Variants in OR4E1 observed in about 807,000 individuals in gnomAD.
OR4E1 encodes the protein olfactory receptor family 4 subfamily E member 1, also known as olfactory receptor 4E1.
chr14:21,669,926 T>A lies in OR4E1; in HGVS notation c.*62A>T. ...TAGTCTGATAAATATGGTATGTAAC[T>A]TATTCTTTGCAAGGCGCTTCTTTAA... On this transcript the variant is annotated 3_prime_UTR_variant, in exon 2 of 2. Transcript: ENST00000641792. 2.5e-6 allele frequency: 1 copy of A among 397,722 alleles called. No homozygotes were observed. Among genetic ancestry groups the A allele is most frequent in the Non-Finnish European group, 4.4e-6 (1 of 225,938 alleles). The allele number at this position is 397,722 out of a possible 1,614,324, so 24.6% of individuals were successfully genotyped here.
Position 21,669,158 on chromosome 14 carries a change from C to A in OR4E1, c.*830G>T, listed in dbSNP as rs2138551861. The stretch of plus-strand genomic sequence containing the variant: ...CATCCTTGACCACTAAAGCAAGTCT[C>A]TTCCATACTCTCTAACAGCACCCTG... On this transcript the variant is annotated 3_prime_UTR_variant, in exon 2 of 2. Coordinates refer to ENST00000641792, the MANE Select transcript of OR4E1 (RefSeq NM_001317107.2). The A allele has an allele frequency of 6.6e-6, 1 of 152,336 alleles. No homozygotes were observed. Among genetic ancestry groups the A allele is most frequent in the African/African-American group, 2.4e-5 (1 of 41,566 alleles). 9.4% of individuals were successfully genotyped at this position (152,336 alleles called of 1,614,324 possible). A position where few individuals can be genotyped will look rare whatever the true frequency, so the allele number is the denominator to read the frequency against.
rs1880754230 is a variant in OR4E1 at position 21,668,377 on chromosome 14, A to G, written c.*1611T>C. On this transcript the variant is annotated 3_prime_UTR_variant, in exon 2 of 2. Transcript: ENST00000641792. Reference sequence around the variant, plus strand: ...TCCTTCCTAACACATTTCCTAGCAAATAAAAATTTTCCTCCTAAAAATCAT... The same window carrying G: ...TCCTTCCTAACACATTTCCTAGCAAGTAAAAATTTTCCTCCTAAAAATCAT... 1 of 76,144 alleles carries G rather than the reference A, an allele frequency of 1.3e-5. No homozygotes were observed. The highest frequency in any genetic ancestry group is 2.6e-4 in the South Asian group (1 of 3,848). The allele number at this position is 76,144 out of a possible 1,614,324, so 4.7% of individuals were successfully genotyped here.
Position 21,670,629 on chromosome 14 carries a change from T to C in OR4E1, c.307A>G (p.Thr103Ala). 2.5e-6 allele frequency: 1 copy of C among 400,482 alleles called. No homozygotes were observed. The allele number at this position is 400,482 out of a possible 1,614,324, so 24.8% of individuals were successfully genotyped here. ...AAGAGGTGCAGGAAGAACATCTGGG[T>C]CACACAGGCATCAAAAGAGATGAGC... ...EKLISFDACV[T>A]QMFFLHLFAC... The change falls in exon 2 of 2, where the codon ACC becomes GCC. Residue 103 changes from threonine to alanine, a missense_variant. Physicochemically the swap from Thr to Ala is moderately conservative, Grantham distance 58. Transcript: ENST00000641792.
At position 21,668,078 on chromosome 14, in the gene OR4E1, C is replaced by T. The variant is rs1322908661; in HGVS notation, c.*1910G>A. On this transcript the variant is annotated 3_prime_UTR_variant, in exon 2 of 2. Coordinates refer to ENST00000641792, the MANE Select transcript of OR4E1 (RefSeq NM_001317107.2). ...AAAACGGGTAGTGTCAGAAATTTTG[C>T]TTGCTGCTATGAAAAAAATAAGCAA... The T allele has an allele frequency of 6.6e-6, 1 of 152,450 alleles. No homozygotes were observed. The highest frequency in any genetic ancestry group is 1.5e-5 in the Non-Finnish European group (1 of 67,990). The allele number at this position is 152,450 out of a possible 1,614,324, so 9.4% of individuals were successfully genotyped here.
chr14:21,673,063 T>A (rs1463809154), intron 1 of OR4E1, 27 bp downstream of exon 1: 1 of 152,304 alleles, frequency 6.6e-6, no homozygotes, highest in Non-Finnish European at 1.5e-5. Context: ...TTATTTGAAG[T>A]TGGACTAGTC....
At position 21,673,210 on chromosome 14, in the gene OR4E1, T is replaced by A. The variant is rs139486135; in HGVS notation, c.-138A>T. ...ATATTTTCTGGTAAAAGGTACTATTTCAGGCTGTCTGTAAAAATCACACCT... is the reference window on the plus strand; with the variant it reads ...ATATTTTCTGGTAAAAGGTACTATTACAGGCTGTCTGTAAAAATCACACCT... On this transcript the variant is annotated 5_prime_UTR_variant, in exon 1 of 2. Coordinates refer to ENST00000641792, the MANE Select transcript of OR4E1 (RefSeq NM_001317107.2). The A allele has an allele frequency of 4.6e-5, 7 of 152,188 alleles. No homozygotes were observed. Among genetic ancestry groups the A allele is most frequent in the African/African-American group, 1.7e-4 (7 of 41,448 alleles). The allele number at this position is 152,188 out of a possible 1,614,324, so 9.4% of individuals were successfully genotyped here.
rs185277815 is a variant in OR4E1, at chr14:21,669,709, A to T, written c.*279T>A. 6 of 204,062 alleles carry T rather than the reference A, an allele frequency of 2.9e-5. No individual in the cohort carries two copies. In the East Asian group the frequency reaches 6.3e-4, roughly 22 times the overall value. 12.6% of individuals were successfully genotyped at this position (204,062 alleles called of 1,614,324 possible). On this transcript the variant is annotated 3_prime_UTR_variant, in exon 2 of 2. Coordinates refer to ENST00000641792, the MANE Select transcript of OR4E1 (RefSeq NM_001317107.2). ...GTTTTCTAGCTGAGTGACTTTGGGCATGTTATTTACTCTCCTCGAGCTTTA... is the reference window on the plus strand; with the variant it reads ...GTTTTCTAGCTGAGTGACTTTGGGCTTGTTATTTACTCTCCTCGAGCTTTA...
At chr14:21,672,308 C>T (rs561228982) in intron 1 of OR4E1, among the ~76,000 whole-genome samples, 15 of 152,292 alleles carry the variant, frequency 9.8e-5, no homozygotes, top group Admixed American at 5.9e-4. Flanking sequence ...TATATCATCC[C>T]TCAAGATCAG....
chr14:21,672,644 A>G (rs961955416), intron 1 of OR4E1, among the ~76,000 whole-genome samples: 2 of 152,148 alleles, frequency 1.3e-5, no homozygotes, highest in African/African-American at 4.8e-5. Context: ...AGTATGGGAA[A>G]TTTCACCTGC....
intron 1 of OR4E1, among the ~76,000 whole-genome samples, chr14:21,672,084 C>T (rs1272376567): frequency 1.3e-5 from 2 of 152,194 alleles, no homozygotes; most frequent in Non-Finnish European, 2.9e-5. Context: ...TTAGTGGCCT[C>T]TCTCTTCCTC....
rs559292354 is a variant in OR4E1 at position 21,670,880 on chromosome 14, C to T, written c.56G>A (p.Arg19Lys). The change falls in exon 2 of 2, where the codon AGA (arginine) becomes AAA (lysine). Residue 19 changes from arginine to lysine, a missense_variant. Transcript: ENST00000641792. ...QTSLVTYFRL[R>K]GLSVNHKARI... The stretch of plus-strand genomic sequence containing the variant: ...TGCCTTATGATTTACAGATAAACCT[C>T]TAAGCCGAAAATATGTCACTAAAGA... The T allele has an allele frequency of 7.5e-6, 3 of 398,766 alleles. No homozygotes were observed. In the Admixed American group the frequency reaches 1.3e-4, roughly 18 times the overall value. The allele number at this position is 398,766 out of a possible 1,614,324, so 24.7% of individuals were successfully genotyped here. A position where few individuals can be genotyped will look rare whatever the true frequency, so the allele number is the denominator to read the frequency against.
chr14:21,672,510 C>T (rs879406069), intron 1 of OR4E1, among the ~76,000 whole-genome samples: 49 of 152,158 alleles, frequency 3.2e-4, no homozygotes, highest in Non-Finnish European at 2.4e-4. Context: ...AATTTTTCTT[C>T]GAGTATTCGT....
chr14:21,672,618 G>A (rs1881013288), intron 1 of OR4E1, among the ~76,000 whole-genome samples: 1 of 152,124 alleles, frequency 6.6e-6, no homozygotes, highest in Non-Finnish European at 1.5e-5. Flanking sequence ...CCAAGAATGG[G>A]GCTAGGATTT....
rs992093903 is a variant in OR4E1 at position 21,670,006 on chromosome 14, C to T, written c.930G>A (p.Glu310=). ...SALNKLVGRK[E]RKEEK ...GACATTTTCATTTTTCTTCTTTTCT[C>T]TCTTTTCTCCCCACTAACTTGTTTA... is the stretch of plus-strand genomic sequence containing the variant. Residue 310 remains glutamate, a synonymous_variant, in exon 2 of 2, where the codon GAG becomes GAA. Coordinates refer to ENST00000641792, the MANE Select transcript of OR4E1 (RefSeq NM_001317107.2). The T allele has an allele frequency of 1.3e-5, 5 of 398,500 alleles. No homozygotes were observed. The highest frequency in any genetic ancestry group is 1.8e-5 in the Non-Finnish European group (4 of 226,108). The allele number at this position is 398,500 out of a possible 1,614,324, so 24.7% of individuals were successfully genotyped here.
In OR4E1 at chr14:21,668,032, G is replaced by A. The variant is rs893632498; in HGVS notation, c.*1956C>T. On this transcript the variant is annotated 3_prime_UTR_variant, in exon 2 of 2. Transcript: ENST00000641792. ...TGTTTTATTTTTACGTCCCCAGAGA[G>A]TTGAAAAATTAGTGTGACTAAAAAC... 4 of 152,526 alleles carry A rather than the reference G, an allele frequency of 2.6e-5. No homozygotes were observed. The highest frequency in any genetic ancestry group is 7.2e-5 in the African/African-American group (3 of 41,420). 9.4% of individuals were successfully genotyped at this position (152,526 alleles called of 1,614,324 possible). A position where few individuals can be genotyped will look rare whatever the true frequency, so the allele number is the denominator to read the frequency against.
In OR4E1 at chr14:21,669,482, C is replaced by T. The variant is rs971986508; in HGVS notation, c.*506G>A. ...CTGTCACCAAAGTCATGTGGAAACT[C>T]ACTTTATCTGCTTCACTAGTGTTTG... On this transcript the variant is annotated 3_prime_UTR_variant, in exon 2 of 2. Transcript: ENST00000641792. 6.6e-6 allele frequency: 1 copy of T among 152,254 alleles called. No homozygotes were observed. The highest frequency in any genetic ancestry group is 1.5e-5 in the Non-Finnish European group (1 of 68,054). 9.4% of individuals were successfully genotyped at this position (152,254 alleles called of 1,614,324 possible).
intron 1 of OR4E1, among the ~76,000 whole-genome samples, chr14:21,672,829 C>T (rs1418105301): frequency 2.0e-5 from 3 of 152,154 alleles, no homozygotes; most frequent in African/African-American, 7.2e-5. Context: ...ATGTGTTCAA[C>T]TGCAGTAGAA....
intron 1 of OR4E1, 70 bp from the exon 2 acceptor site, chr14:21,671,022 TTG>T: frequency 5.0e-6 from 2 of 397,908 alleles, no homozygotes; most frequent in African/African-American, 2.1e-5. Context: ...ATTTAATTTC[TTG>T]TGTGTTTATG....
rs1184112862 is a variant in OR4E1 at position 21,673,787 on chromosome 14, T to G, written c.-715A>C. 2 of 152,152 alleles carry G rather than the reference T, an allele frequency of 1.3e-5. No individual in the cohort carries two copies. The highest frequency in any genetic ancestry group is 2.9e-5 in the Non-Finnish European group (2 of 68,042). 9.4% of individuals were successfully genotyped at this position (152,152 alleles called of 1,614,324 possible). ...CAGTTTCAGGTGGATTATTCCACCTTCAAGTACTGAAGGGGAATCTGTAGA... is the reference window on the plus strand; with the variant it reads ...CAGTTTCAGGTGGATTATTCCACCTGCAAGTACTGAAGGGGAATCTGTAGA... On this transcript the variant is annotated 5_prime_UTR_variant, in exon 1 of 2. Transcript: ENST00000641792.
Sources: allele counts gnomAD v4.1 joint callset (sites outside exome capture counted in the v4.1 genomes callset), GRCh38; gene constraint gnomAD v4.1.1; transcripts MANE v1.5; gene names NCBI Gene and HGNC (gene_info 2026-07-23, HGNC 2026-07-21).